The following REV3L variants were observed in gnomAD, a reference collection of about 807,000 sequenced individuals.
REV3L encodes the protein REV3 like, DNA directed polymerase zeta catalytic subunit, also known as DNA polymerase zeta catalytic subunit.
A neutral mutation model predicts 299.4 loss-of-function variants in REV3L; 69 were observed. The observed-to-expected ratio is 0.23, with a 90% CI of 0.19 to 0.28. The LOEUF (loss-of-function observed/expected upper bound fraction) is 0.28, where lower values mean the gene tolerates loss of function less well. REV3L is among the 10% of genes least tolerant of loss of function. The pLI, the probability that REV3L is intolerant of heterozygous loss-of-function variation, is 1.00. For synonymous variants in REV3L, 1,238 were observed against 1,271.4 expected, an observed-to-expected ratio of 0.97 and a Z score of 0.56; for missense variants, 3,128 against 3,693.8, an observed-to-expected ratio of 0.85 and a Z score of 3.97.
At chr6:111,394,980 C>T (rs1782337908) in intron 4 of REV3L, among the ~76,000 whole-genome samples, 1 of 152,162 alleles carries the variant, frequency 6.6e-6, no homozygotes, top group South Asian at 2.1e-4. Context: ...GAGTAAGCCA[C>T]CATGCTCAGC....
chr6:111,322,357 A>G (rs747492918), intron 26 of REV3L, among the ~76,000 whole-genome samples: 4 of 152,166 alleles, frequency 2.6e-5, no homozygotes, highest in Non-Finnish European at 5.9e-5. Flanking sequence ...AGCCATAGGT[A>G]TCTTCAGTTT....
At chr6:111,328,589 T>G (rs1775070354) in intron 25 of REV3L, among the ~76,000 whole-genome samples, 1 of 152,094 alleles carries the variant, frequency 6.6e-6, no homozygotes, top group African/African-American at 2.4e-5. Context: ...ATTTCTAAAA[T>G]TATCATTGGA....
chr6:111,352,543 T>C (rs757770553), intron 18 of REV3L, among the ~76,000 whole-genome samples: 19 of 152,180 alleles, frequency 1.2e-4, no homozygotes, highest in Non-Finnish European at 2.6e-4. Context: ...TAATCTATAC[T>C]GCCCTTAAAC....
chr6:111,331,815 T>A lies in REV3L; in HGVS notation c.7926-31A>T, dbSNP rs754766748. On this transcript the variant is annotated intron_variant, in intron 23 of 31. Coordinates refer to ENST00000368802, the MANE Select transcript of REV3L (RefSeq NM_001372078.1). ...AAGAAAGAGAACATTAAGCAAATACTTCCTCAAATCATAGAACAGAGATTT... is the reference window on the plus strand; with the variant it reads ...AAGAAAGAGAACATTAAGCAAATACATCCTCAAATCATAGAACAGAGATTT... The A allele has an allele frequency of 3.7e-6, 5 of 1,338,094 alleles. No homozygotes were observed. The East Asian group carries it at 1.2e-4, about 31-fold the overall frequency. The allele number at this position is 1,338,094 out of a possible 1,614,324, so 82.9% of individuals were successfully genotyped here.
chr6:111,387,847 G>C lies in REV3L; in HGVS notation c.1014C>G (p.His338Gln), dbSNP rs777645834. 8.4e-5 allele frequency: 135 copies of C among 1,613,674 alleles called. No homozygotes were observed. The highest frequency in any genetic ancestry group is 1.1e-4 in the Non-Finnish European group (129 of 1,179,788). The change falls in exon 9 of 32, where the codon CAC becomes CAG. Residue 338 changes from histidine to glutamine, a missense_variant. This residue lies in a region of REV3L where 2,409 missense variants were observed against 2,611.8 expected (regional missense o/e 0.92). Transcript: ENST00000368802. ...SQEFSAELTLHSEVLSPEMLQ... is the reference protein window; with the variant it reads ...SQEFSAELTLQSEVLSPEMLQ... ...GCATTTCAGGAGACAGAACCTCAGAGTGCAATGTTAACTCAGCAGAGAACT... is the reference window on the plus strand; with the variant it reads ...GCATTTCAGGAGACAGAACCTCAGACTGCAATGTTAACTCAGCAGAGAACT...
Position 111,395,995 on chromosome 6 carries a change from G to T in REV3L, c.566-3023C>A, listed in dbSNP as rs574878072. On this transcript the variant is annotated intron_variant, in intron 4 of 31. Transcript: ENST00000368802. The stretch of plus-strand genomic sequence containing the variant: ...GTTGATGTGATGTATCACATTTATT[G>T]ATTTGTATATAATGAACAATCCTTG... Among the ~76,000 whole-genome samples, 7 of 152,112 alleles carry T rather than the reference G, an allele frequency of 4.6e-5. No individual in the cohort carries two copies. In the East Asian group the frequency reaches 1.2e-3, roughly 25 times the overall value.
chr6:111,385,058 A>T (rs1371483644), intron 9 of REV3L, among the ~76,000 whole-genome samples: 1 of 152,010 alleles, frequency 6.6e-6, no homozygotes, highest in Non-Finnish European at 1.5e-5. Context: ...AATTTAAACA[A>T]TGGAACTCAT....
At chr6:111,455,157 C>G (rs1337662537) in intron 1 of REV3L, among the ~76,000 whole-genome samples, 5 of 152,112 alleles carry the variant, frequency 3.3e-5, no homozygotes, top group Non-Finnish European at 7.4e-5. Context: ...GCACAAAGGA[C>G]TGATATGACT....
chr6:111,329,417 G>A, intron 25 of REV3L, 115 bp downstream of exon 25: 1 of 877,510 alleles, frequency 1.1e-6, no homozygotes, highest in Non-Finnish European at 1.9e-6. Flanking sequence ...ACTCTGGGCT[G>A]AAGACCCCCG....
rs189441083 is a variant in REV3L, at chr6:111,431,207, G to C, written c.140-14735C>G. 719 of 1,565,070 alleles carry C rather than the reference G, an allele frequency of 4.6e-4. 4 individuals carry two copies. Among genetic ancestry groups the C allele is most frequent in the Middle Eastern group, 1.6e-3 (7 of 4,336 alleles). On this transcript the variant is annotated intron_variant, in intron 1 of 31. Transcript: ENST00000368802. ...GATTATCCATCTGTGATGGCAGATAGTTTACTGGATGTTTTAACAAAAGGA... is the reference window on the plus strand; with the variant it reads ...GATTATCCATCTGTGATGGCAGATACTTTACTGGATGTTTTAACAAAAGGA...
chr6:111,313,410 A>G lies in REV3L; in HGVS notation c.8546T>C (p.Val2849Ala), dbSNP rs764113426. ...MYETLDQKDPVFDAKGIETVR... is the reference protein window; with the variant it reads ...MYETLDQKDPAFDAKGIETVR... ...TGTTTCTATTCCTTTTGCATCAAAT[A>G]CTGGGTCCTTCTGATCCAGTGTTTC... Residue 2849 changes from valine (V) to alanine (A), a missense_variant, in exon 28 of 32, where the codon GTA becomes GCA. Coordinates refer to ENST00000368802, the MANE Select transcript of REV3L (RefSeq NM_001372078.1). 2.5e-6 allele frequency: 4 copies of G among 1,613,656 alleles called. No homozygotes were observed. The Admixed American group carries it at 6.7e-5, about 27-fold the overall frequency.
intron 9 of REV3L, among the ~76,000 whole-genome samples, chr6:111,386,940 G>A (rs1289064361): frequency 6.6e-6 from 1 of 151,828 alleles, no homozygotes; most frequent in Non-Finnish European, 1.5e-5. Context: ...CAGGCTGGTT[G>A]CCAACTCCTG....
intron 21 of REV3L, among the ~76,000 whole-genome samples, chr6:111,339,323 T>C (rs981590475): frequency 3.3e-5 from 5 of 152,138 alleles, no homozygotes; most frequent in African/African-American, 1.2e-4. Context: ...GACTAATCCA[T>C]CCTAGTTTAC....
rs559336955 is a variant in REV3L, at chr6:111,432,497, A to T, written c.140-16025T>A. 3.9e-5 allele frequency among the ~76,000 whole-genome samples: 6 copies of T among 152,342 alleles called. No individual in the cohort carries two copies. The South Asian group carries it at 1.2e-3, about 32-fold the overall frequency. On this transcript the variant is annotated intron_variant, in intron 1 of 31. Coordinates refer to ENST00000368802, the MANE Select transcript of REV3L (RefSeq NM_001372078.1). Reference sequence around the variant, plus strand: ...TTGATAAAAGGGTCAATTCAGCAAGAGGATATAACAATTATAAATATCTAT... The same window carrying T: ...TTGATAAAAGGGTCAATTCAGCAAGTGGATATAACAATTATAAATATCTAT...
At chr6:111,381,902 T>C (rs919155781) in intron 9 of REV3L, among the ~76,000 whole-genome samples, 3 of 152,208 alleles carry the variant, frequency 2.0e-5, no homozygotes, top group Non-Finnish European at 4.4e-5. Flanking sequence ...GACTCTCTTT[T>C]GAATGCATAA....
chr6:111,421,206 C>T (rs1785309453), intron 1 of REV3L, among the ~76,000 whole-genome samples: 1 of 152,152 alleles, frequency 6.6e-6, no homozygotes, highest in African/African-American at 2.4e-5. Context: ...ACATTTTATT[C>T]TGCAATTTAG....
At chr6:111,420,861 G>C (rs187303260) in intron 1 of REV3L, among the ~76,000 whole-genome samples, 21 of 152,272 alleles carry the variant, frequency 1.4e-4, no homozygotes, top group African/African-American at 5.1e-4. Flanking sequence ...TAAGTCCTTG[G>C]CTGGGCATGG....
chr6:111,358,965 C>T lies in REV3L; in HGVS notation c.6929G>A (p.Arg2310Gln), dbSNP rs1453331885. 3.1e-6 allele frequency: 5 copies of T among 1,613,850 alleles called. No individual in the cohort carries two copies. The highest frequency in any genetic ancestry group is 3.4e-6 in the Non-Finnish European group (4 of 1,179,964). Residue 2310 changes from arginine (R) to glutamine (Q), a missense_variant, in exon 17 of 32, where the codon CGA becomes CAA. Coordinates refer to ENST00000368802, the MANE Select transcript of REV3L (RefSeq NM_001372078.1). ...ISVELHARTR[R>Q]DLEPDPEFDP... ...AAATTCAGGATCCGGTTCTAAGTCT[C>T]GTCTAGTTCGAGCATGCAACTCCAC...
At position 111,333,477 on chromosome 6, in the gene REV3L, CTTTTT is replaced by C; in HGVS notation, c.7681-115_7681-111del. On this transcript the variant is annotated intron_variant, in intron 22 of 31. Transcript: ENST00000368802. ...TGCTTTTCAGAATAAGATTGTATGA[CTTTTT>C]TTTTTTTTTGAGACAGTGTTTCGCT... 25 of 1,000,854 alleles carry C rather than the reference CTTTTT, an allele frequency of 2.5e-5. No individual in the cohort carries two copies. In the South Asian group the frequency reaches 4.7e-4, roughly 19 times the overall value. The allele number at this position is 1,000,854 out of a possible 1,614,324, so 62.0% of individuals were successfully genotyped here.
Sources: gnomAD v4.1 joint callset for allele counts (sites outside exome capture counted in the v4.1 genomes callset) on GRCh38, gnomAD v4.1.1 for gene constraint, gnomAD v4.1.1 regional missense constraint, MANE v1.5 for transcripts, NCBI Gene and HGNC (gene_info 2026-07-23, HGNC 2026-07-21) for gene names.